The following ACIN1 variants were observed in gnomAD, a reference collection of about 807,000 sequenced individuals.
ACIN1 encodes apoptotic chromatin condensation inducer in the nucleus.
A neutral mutation model predicts 146.6 loss-of-function variants in ACIN1; 16 were observed. The ratio of observed to expected loss-of-function variants is 0.11; its 90% CI spans 0.07 to 0.17. ACIN1 has a LOEUF of 0.17. ACIN1 is among the 10% of genes least tolerant of loss of function. The pLI is 1.00. For synonymous variants in ACIN1, 569 were observed against 582.7 expected, an observed-to-expected ratio of 0.98 and a Z score of 0.34; for missense variants, 1,357 against 1,609.3, an observed-to-expected ratio of 0.84 and a Z score of 2.68.
At chr14:23,075,564 C>CA (rs1407165338) in intron 8 of ACIN1, among the ~76,000 whole-genome samples, 5 of 151,572 alleles carry the variant, frequency 3.3e-5, no homozygotes, top group Admixed American at 6.6e-5. Context: ...AGCAAAAAGT[C>CA]AGTCAATCTC....
In ACIN1 at chr14:23,058,586, A is replaced by T. The variant is rs1370777217; in HGVS notation, c.*562T>A. On this transcript the variant is annotated 3_prime_UTR_variant, in exon 19 of 19. Coordinates refer to ENST00000605057, the MANE Select transcript of ACIN1 (RefSeq NM_001386863.1). ...CAGTTTAAAACTAAGTCAGATTTTT[A>T]TTTTTTTTTCCATAGACCACATCAT... 2 of 153,246 alleles carry T rather than the reference A, an allele frequency of 1.3e-5. No homozygotes were observed. Among genetic ancestry groups the T allele is most frequent in the Non-Finnish European group, 2.9e-5 (2 of 68,698 alleles). The allele number at this position is 153,246 out of a possible 1,614,324, so 9.5% of individuals were successfully genotyped here. A position where few individuals can be genotyped will look rare whatever the true frequency, so the allele number is the denominator to read the frequency against.
chr14:23,090,678 G>A (rs2048205983), intron 2 of ACIN1, 45 bp from the exon 3 acceptor site: 2 of 1,468,232 alleles, frequency 1.4e-6, no homozygotes, highest in Non-Finnish European at 9.5e-7. Flanking sequence ...AAACAAACCA[G>A]GAGAATGCAA....
Position 23,061,314 on chromosome 14 carries a change from CTTT to C in ACIN1, c.3405_3407del (p.Lys1137del). On this transcript the variant is annotated inframe_deletion, in exon 17 of 19. Transcript: ENST00000605057. ...AGTACCTACCTTTCTTCTCACTCTTCTTTTCTTTAGACTTCGCACGTTCCTTGC... is the reference window on the plus strand; with the variant it reads ...AGTACCTACCTTTCTTCTCACTCTTCTCTTTAGACTTCGCACGTTCCTTGC... The C allele has an allele frequency of 1.9e-6, 3 of 1,613,996 alleles. No homozygotes were observed. The highest frequency in any genetic ancestry group is 2.5e-6 in the Non-Finnish European group (3 of 1,179,916).
At chr14:23,063,167 A>C (rs1594743751) in intron 13 of ACIN1, 93 bp from the exon 14 acceptor site, 1 of 1,385,126 alleles carries the variant, frequency 7.2e-7, no homozygotes, top group Non-Finnish European at 9.9e-7. Flanking sequence ...TTTCTTTTAT[A>C]CCAAGCAGCC....
chr14:23,069,970 G>A (rs867597387), intron 8 of ACIN1, among the ~76,000 whole-genome samples: 16 of 152,142 alleles, frequency 1.1e-4, no homozygotes, highest in African/African-American at 3.6e-4. Flanking sequence ...TCCCACAAAA[G>A]TGACTGTGAT....
chr14:23,063,709 G>T, intron 12 of ACIN1, 132 bp from the exon 13 acceptor site: 1 of 1,067,352 alleles, frequency 9.4e-7, no homozygotes, highest in Non-Finnish European at 1.3e-6. Flanking sequence ...TTCGTTATCG[G>T]CTCACTTCTA....
At chr14:23,089,144 G>A (rs886860526) in intron 4 of ACIN1, among the ~76,000 whole-genome samples, 2 of 152,142 alleles carry the variant, frequency 1.3e-5, no homozygotes, top group Non-Finnish European at 2.9e-5. Context: ...GGGTTCAAGC[G>A]ATTCTCCTGC....
intron 2 of ACIN1, among the ~76,000 whole-genome samples, chr14:23,092,646 A>C (rs1232073827): frequency 2.0e-5 from 3 of 152,226 alleles, no homozygotes; most frequent in African/African-American, 4.8e-5. Context: ...TCCTTTAAGT[A>C]TATGACACAT....
chr14:23,083,442 C>T (rs756152646), intron 4 of ACIN1, among the ~76,000 whole-genome samples: 37 of 152,218 alleles, frequency 2.4e-4, no homozygotes, highest in Admixed American at 3.3e-4. Context: ...GAATTAAGAT[C>T]AACTAGGCGG....
In ACIN1 at chr14:23,081,849, A is replaced by G; in HGVS notation, c.437-13T>C. Reference sequence around the variant, plus strand: ...GAGGAGCTTTTTCCTATTGAATGAAAAAGAATCAAGTCAGATTCATGAAGT... The same window carrying G: ...GAGGAGCTTTTTCCTATTGAATGAAGAAGAATCAAGTCAGATTCATGAAGT... On this transcript the variant is annotated splice_polypyrimidine_tract_variant and intron_variant, in intron 4 of 18. Transcript: ENST00000605057. The G allele has an allele frequency of 6.3e-7, 1 of 1,599,352 alleles. No homozygotes were observed. Among genetic ancestry groups the G allele is most frequent in the Non-Finnish European group, 8.5e-7 (1 of 1,174,302 alleles).
rs1669682347 is a variant in ACIN1 at position 23,064,396 on chromosome 14, G to A, written c.2401C>T (p.Gln801Ter). Reference protein sequence around the residue: ...RRWGASTATTQKKPSISITTE... With the variant: ...RRWGASTATT ...GTGATACTGATGGAAGGTTTCTTCT[G>A]TGTGGTGGCTGTGCTGGCTCCCCAG... The change falls in exon 11 of 19, where the codon CAG (glutamine) becomes TAG (stop). Residue 801 changes from glutamine (Q) to a stop codon, truncating the protein, a stop_gained. Coordinates refer to ENST00000605057, the MANE Select transcript of ACIN1 (RefSeq NM_001386863.1). LOFTEE classifies it high-confidence loss of function. 1 of 1,614,122 alleles carries A rather than the reference G, an allele frequency of 6.2e-7. No homozygotes were observed. The highest frequency in any genetic ancestry group is 1.7e-5 in the Admixed American group (1 of 60,012).
At position 23,068,303 on chromosome 14, in the gene ACIN1, A is replaced by G; in HGVS notation, c.2265+1173T>C. ...CAGTCTGTAGCAAACAAGGCAACCC[A>G]CAGTCCTCAAAAGGGCAAGGGCATG... On this transcript the variant is annotated intron_variant, in intron 9 of 18. Coordinates refer to ENST00000605057, the MANE Select transcript of ACIN1 (RefSeq NM_001386863.1). The surrounding 1 kb of genome is among the most constrained non-coding windows in gnomAD (Gnocchi z 4.3). The G allele has an allele frequency of 3.0e-6, 3 of 985,958 alleles. No individual in the cohort carries two copies. The highest frequency in any genetic ancestry group is 3.6e-6 in the Non-Finnish European group (3 of 829,984). 61.1% of individuals were successfully genotyped at this position (985,958 alleles called of 1,614,324 possible). A position where few individuals can be genotyped will look rare whatever the true frequency, so the allele number is the denominator to read the frequency against.
chr14:23,066,031 A>G lies in ACIN1; in HGVS notation c.2266-23T>C, dbSNP rs562420788. On this transcript the variant is annotated intron_variant, in intron 9 of 18. Transcript: ENST00000605057. Reference sequence around the variant, plus strand: ...GCTCTGTATGAAGAAGAAAAAGGGGAAAAAAAAGAGAAAGAGAGACACCCC... The same window carrying G: ...GCTCTGTATGAAGAAGAAAAAGGGGGAAAAAAAGAGAAAGAGAGACACCCC... 4.4e-6 allele frequency: 7 copies of G among 1,600,862 alleles called. No individual in the cohort carries two copies. The East Asian group carries it at 6.7e-5, about 15-fold the overall frequency.
chr14:23,059,566 A>T, intron 18 of ACIN1, 92 bp from the exon 19 acceptor site: 1 of 978,770 alleles, frequency 1.0e-6, no homozygotes, highest in Admixed American at 1.9e-5. Flanking sequence ...GCTCAGGGTC[A>T]GCTTTTCAGT....
At chr14:23,069,648 G>GGGGGGGGGCC in intron 8 of ACIN1, 31 bp from the exon 9 acceptor site, 3 of 589,366 alleles carry the variant, frequency 5.1e-6, no homozygotes, top group African/African-American at 1.9e-5. Flanking sequence ...TGGTGGGGGG[G>GGGGGGGGGCC]CGGGCAGAAA....
chr14:23,062,788 G>T, intron 14 of ACIN1, 141 bp downstream of exon 14: 1 of 1,093,598 alleles, frequency 9.1e-7, no homozygotes, highest in Non-Finnish European at 1.3e-6. Flanking sequence ...GGGTAAATAT[G>T]TTAAGTAACT....
At chr14:23,071,419 G>A (rs1251137945) in intron 8 of ACIN1, 3 of 1,551,522 alleles carry the variant, frequency 1.9e-6, no homozygotes, top group Middle Eastern at 1.7e-4. Context: ...TAAGCGTTAA[G>A]TCCTCACGGC....
rs1335487165 is a variant in ACIN1, at chr14:23,061,347, G to T, written c.3375C>A (p.Arg1125=). 1 of 1,614,104 alleles carries T rather than the reference G, an allele frequency of 6.2e-7. No homozygotes were observed. Among genetic ancestry groups the T allele is most frequent in the Admixed American group, 1.7e-5 (1 of 60,024 alleles). Residue 1125 remains arginine (R), a synonymous_variant, in exon 17 of 19, where the codon CGC becomes CGA. Coordinates refer to ENST00000605057, the MANE Select transcript of ACIN1 (RefSeq NM_001386863.1). Reference sequence around the variant, plus strand: ...TAGACTTCGCACGTTCCTTGCGGCGGCGGTCACGGGACCTTGATCGGGAAC... The same window carrying T: ...TAGACTTCGCACGTTCCTTGCGGCGTCGGTCACGGGACCTTGATCGGGAAC... ...GPRSRSRSRD[R]RRKERAKSKE... is the part of the protein sequence containing the mutation.
chr14:23,089,950 C>T lies in ACIN1; in HGVS notation c.436+32G>A, dbSNP rs1307077093. The T allele has an allele frequency of 6.4e-6, 10 of 1,555,878 alleles. No individual in the cohort carries two copies. The Admixed American group carries it at 1.8e-4, about 28-fold the overall frequency. Reference sequence around the variant, plus strand: ...CCCCCCACCAACTACGCAGGATTGACAAAACAGCGCAGTGGGGAGGGAGAT... The same window carrying T: ...CCCCCCACCAACTACGCAGGATTGATAAAACAGCGCAGTGGGGAGGGAGAT... On this transcript the variant is annotated intron_variant, in intron 4 of 18. Coordinates refer to ENST00000605057, the MANE Select transcript of ACIN1 (RefSeq NM_001386863.1).
Sources: gnomAD v4.1 joint callset for allele counts (sites outside exome capture counted in the v4.1 genomes callset) on GRCh38, gnomAD v4.1.1 for gene constraint, Gnocchi (gnomAD v3.1) non-coding constraint, MANE v1.5 for transcripts, NCBI Gene and HGNC (gene_info 2026-07-23, HGNC 2026-07-21) for gene names.